Variants in ANK1 observed in about 807,000 individuals in gnomAD.
The protein encoded by ANK1 is ankyrin-1.
Under a neutral mutation model 210.4 loss-of-function variants are expected in ANK1, and 51 were observed. The ratio of observed to expected loss-of-function variants is 0.24; its 90% confidence interval spans 0.19 to 0.31. ANK1 has a LOEUF of 0.31. Ranked by LOEUF, ANK1 falls within the 10% of genes least tolerant of loss-of-function variation. The pLI is 1.00. For missense variants in ANK1, 2,051 were observed against 2,504.4 expected, an observed-to-expected ratio of 0.82 and a Z score of 3.86; for synonymous variants, 967 against 1,025.9, an observed-to-expected ratio of 0.94 and a Z score of 1.10.
At chr8:41,679,586 A>G (rs535491) in intron 37 of ANK1, among the ~76,000 whole-genome samples, 95,306 of 127,000 alleles carry the variant, frequency 0.75, 36,031 homozygotes, top group East Asian at 0.82. Flanking sequence ...TTTTTGAGAC[A>G]GAGTCTCACT....
At chr8:41,857,769 T>C (rs1323227667) in intron 1 of ANK1, among the ~76,000 whole-genome samples, 1 of 150,152 alleles carries the variant, frequency 6.7e-6, no homozygotes, top group Non-Finnish European at 1.5e-5. Flanking sequence ...CCAGGTATGG[T>C]GGCGCATGCC....
Position 41,706,212 on chromosome 8 carries a change from T to C in ANK1, c.2028A>G (p.Ala676=), listed in dbSNP as rs748783339. The change falls in exon 18 of 43, where the codon GCA becomes GCG. Residue 676 remains alanine, a synonymous_variant. Coordinates refer to ENST00000289734, the MANE Select transcript of ANK1 (RefSeq NM_000037.4). The part of the protein sequence containing the change: ...KSGLTPLHLV[A]QEGHVPVADV... ...CTGCCACTGGAACGTGGCCTTCTTG[T>C]GCTACCAGATGGAGGGGAGTGAGTC... 6.2e-7 allele frequency: 1 copy of C among 1,614,178 alleles called. No homozygotes were observed. Among genetic ancestry groups the C allele is most frequent in the South Asian group, 1.1e-5 (1 of 91,088 alleles).
At chr8:41,706,763 C>T (rs1487240766) in intron 17 of ANK1, among the ~76,000 whole-genome samples, 1 of 152,100 alleles carries the variant, frequency 6.6e-6, no homozygotes, top group African/African-American at 2.4e-5. Flanking sequence ...AGGTGAGGAG[C>T]GCTGGAGAAA....
rs775071341 is a variant in ANK1 at position 41,704,179 on chromosome 8, A to G, written c.2197-40T>C. The stretch of plus-strand genomic sequence containing the variant: ...GACATTTAGGCAGGGTTAGCCAGCC[A>G]CTAGACAGAGACCTGCCTACACATG... On this transcript the variant is annotated intron_variant, in intron 19 of 42. Coordinates refer to ENST00000289734, the MANE Select transcript of ANK1 (RefSeq NM_000037.4). This position sits in a 1 kb window ranked among gnomAD's most constrained non-coding sequence, Gnocchi z 4.1. 2.1e-5 allele frequency: 33 copies of G among 1,573,970 alleles called. No homozygotes were observed. The highest frequency in any genetic ancestry group is 6.6e-5 in the South Asian group (6 of 90,238).
At chr8:41,723,007 G>A in intron 9 of ANK1, 118 bp downstream of exon 9, 2 of 900,046 alleles carry the variant, frequency 2.2e-6, no homozygotes, top group East Asian at 2.5e-5. Flanking sequence ...AATGTCAAAG[G>A]TGCTATCTCA....
At chr8:41,857,938 A>G (rs34819319) in intron 1 of ANK1, among the ~76,000 whole-genome samples, 1 of 150,562 alleles carries the variant, frequency 6.6e-6, no homozygotes, top group Admixed American at 6.6e-5. Flanking sequence ...ATAAATATCC[A>G]CCAAGGGGGC....
chr8:41,725,125 A>C (rs1830347578), intron 6 of ANK1, among the ~76,000 whole-genome samples: 1 of 152,088 alleles, frequency 6.6e-6, no homozygotes, highest in East Asian at 1.9e-4. Flanking sequence ...ACCTCCGTCC[A>C]TTGTCATCAT....
chr8:41,870,447 T>A (rs1317558126), intron 1 of ANK1, among the ~76,000 whole-genome samples: 4 of 152,144 alleles, frequency 2.6e-5, no homozygotes, highest in Non-Finnish European at 5.9e-5. Flanking sequence ...TCCAGGGACA[T>A]GAGCGTCCCT....
At chr8:41,793,876 T>C (rs1848234827) in intron 1 of ANK1, among the ~76,000 whole-genome samples, 1 of 152,126 alleles carries the variant, frequency 6.6e-6, no homozygotes, top group Non-Finnish European at 1.5e-5. Flanking sequence ...ATTTTCTCAT[T>C]AAATAGGAAC....
intron 1 of ANK1, among the ~76,000 whole-genome samples, chr8:41,817,804 T>C (rs1329689897): frequency 6.6e-6 from 1 of 152,220 alleles, no homozygotes; most frequent in Non-Finnish European, 1.5e-5. Flanking sequence ...AAACATGCTT[T>C]TCACCACTGA....
chr8:41,774,434 G>C (rs1489476403), intron 1 of ANK1, among the ~76,000 whole-genome samples: 1 of 152,214 alleles, frequency 6.6e-6, no homozygotes, highest in African/African-American at 2.4e-5. Flanking sequence ...TGCTATTATA[G>C]CCCCTGTAGA....
At chr8:41,840,612 C>T (rs1344845437) in intron 1 of ANK1, among the ~76,000 whole-genome samples, 1 of 152,196 alleles carries the variant, frequency 6.6e-6, no homozygotes, top group Non-Finnish European at 1.5e-5. Flanking sequence ...TGTCCTCACA[C>T]TACTGAGAGG....
chr8:41,778,073 A>ATAGGC (rs1319277521), intron 1 of ANK1, among the ~76,000 whole-genome samples: 3 of 152,202 alleles, frequency 2.0e-5, no homozygotes, highest in Non-Finnish European at 4.4e-5. Flanking sequence ...GACTAGATAG[A>ATAGGC]TAGGCTTTTT....
intron 1 of ANK1, among the ~76,000 whole-genome samples, chr8:41,846,459 G>A (rs988716834): frequency 6.6e-6 from 1 of 152,226 alleles, no homozygotes; most frequent in South Asian, 2.1e-4. Flanking sequence ...TCGTGCAGAC[G>A]TGTGTCACCT....
intron 1 of ANK1, among the ~76,000 whole-genome samples, chr8:41,822,064 A>AAGAGAG (rs10605195): frequency 3.7e-3 from 135 of 36,072 alleles, no homozygotes; most frequent in East Asian, 1.0e-2. Context: ...GAAAGAAAGA[A>AAGAGAG]AGAGAGAGAG....
At chr8:41,713,905 A>G (rs1277393740) in intron 16 of ANK1, among the ~76,000 whole-genome samples, 2 of 152,172 alleles carry the variant, frequency 1.3e-5, no homozygotes, top group Non-Finnish European at 2.9e-5. Context: ...TTGTTGTATA[A>G]AACAAGTTCC....
chr8:41,723,357 C>CACAGTTTTACTATTGCCTCCCACTGCA (rs1829761517), intron 8 of ANK1, 134 bp from the exon 9 acceptor site: 1 of 1,173,142 alleles, frequency 8.5e-7, no homozygotes, highest in African/African-American at 1.5e-5. Flanking sequence ...TCGACCTCAG[C>CACAGTTTTACTATTGCCTCCCACTGCA]ACAGTTTTAC....
intron 37 of ANK1, among the ~76,000 whole-genome samples, chr8:41,684,033 G>A (rs919292476): frequency 7.2e-5 from 11 of 152,250 alleles, no homozygotes; most frequent in Admixed American, 2.0e-4. Flanking sequence ...GTCCCTAGAA[G>A]TGGCCACAGC....
chr8:41,776,913 C>T (rs2150741615), intron 1 of ANK1, among the ~76,000 whole-genome samples: 1 of 152,286 alleles, frequency 6.6e-6, no homozygotes, highest in Non-Finnish European at 1.5e-5. Flanking sequence ...TCTTTACTAC[C>T]AAGGAAACAA....
Sources: allele counts gnomAD v4.1 joint callset (sites outside exome capture counted in the v4.1 genomes callset), GRCh38; gene constraint gnomAD v4.1.1; non-coding constraint Gnocchi (gnomAD v3.1); transcripts MANE v1.5; gene names NCBI Gene and HGNC (gene_info 2026-07-23, HGNC 2026-07-21).